The following PARD3 variants were observed in gnomAD, a reference collection of about 807,000 sequenced individuals.
PARD3 encodes partitioning defective 3 homolog.
In PARD3, 75 loss-of-function variants were observed where a neutral mutation model predicts 155.4. The observed-to-expected ratio is 0.48, with a 90% CI of 0.40 to 0.58. The LOEUF is 0.58. Ranked by LOEUF, PARD3 falls within the 20% of genes least tolerant of loss-of-function variation. PARD3 has a pLI of 0.00. For missense variants in PARD3, 1,642 were observed against 1,721.7 expected, an observed-to-expected ratio of 0.95 and a Z score of 0.82; for synonymous variants, 576 against 610.5, an observed-to-expected ratio of 0.94 and a Z score of 0.83.
At chr10:34,566,821 T>A (rs1362924017) in intron 2 of PARD3, among the ~76,000 whole-genome samples, 1 of 152,192 alleles carries the variant, frequency 6.6e-6, no homozygotes, top group Admixed American at 6.6e-5. Flanking sequence ...GACACTGATG[T>A]GACTGCTGTT....
intron 5 of PARD3, among the ~76,000 whole-genome samples, chr10:34,406,853 T>C (rs1286589026): frequency 6.6e-6 from 1 of 151,828 alleles, no homozygotes; most frequent in East Asian, 1.9e-4. Context: ...AGGAAATATA[T>C]TCAGAGTATC....
At position 34,157,065 on chromosome 10, in the gene PARD3, T is replaced by C. The variant is rs112432839; in HGVS notation, c.3420-25482A>G. Among the ~76,000 whole-genome samples the C allele has an allele frequency of 2.9e-3, 437 of 152,316 alleles. 4 individuals carry two copies. Among genetic ancestry groups the C allele is most frequent in the African/African-American group, 0.01 (418 of 41,562 alleles). Reference sequence around the variant, plus strand: ...ACTGAATTGTAAAAACCTCATTTTATAGCTGCTTAAAAACCCTGAGAATAG... The same window carrying C: ...ACTGAATTGTAAAAACCTCATTTTACAGCTGCTTAAAAACCCTGAGAATAG... On this transcript the variant is annotated intron_variant, in intron 22 of 24. Transcript: ENST00000374788.
At chr10:34,317,086 T>C (rs1958054904) in intron 20 of PARD3, 21 bp downstream of exon 20, 1 of 1,534,556 alleles carries the variant, frequency 6.5e-7, no homozygotes, top group African/African-American at 1.4e-5. Flanking sequence ...GAGATTCTGG[T>C]TTGGGATGGT....
chr10:34,303,466 C>A (rs1452393731), intron 20 of PARD3, among the ~76,000 whole-genome samples: 3 of 97,438 alleles, frequency 3.1e-5, no homozygotes, highest in African/African-American at 4.6e-5. Flanking sequence ...TTAAGACCTC[C>A]ATTCCAAAAA....
In PARD3 at chr10:34,227,856, TTATATATATATATATA is replaced by T. The variant is rs55681930; in HGVS notation, c.3419+41785_3419+41800del. ...TATTCCCAGTAATGGGAATTATTTT[TTATATATATATATATA>T]TATATATATATACTGGGAATATATA... On this transcript the variant is annotated intron_variant, in intron 22 of 24. Transcript: ENST00000374788. Among the ~76,000 whole-genome samples the T allele has an allele frequency of 7.3e-5, 6 of 82,242 alleles. 1 individual carries two copies. The highest frequency in any genetic ancestry group is 7.1e-4 in the Admixed American group (6 of 8,482). The allele number at this position is 82,242 out of a possible 152,430, so 54.0% of individuals were successfully genotyped here.
In PARD3 at chr10:34,382,701, T is replaced by C; in HGVS notation, c.1238A>G (p.Glu413Gly). The C allele has an allele frequency of 6.2e-7, 1 of 1,614,176 alleles. No homozygotes were observed. The highest frequency in any genetic ancestry group is 8.5e-7 in the Non-Finnish European group (1 of 1,180,032). The change falls in exon 9 of 25, where the codon GAG (glutamate) becomes GGG (glycine). Residue 413 changes from glutamate to glycine, a missense_variant. Transcript: ENST00000374788. ...QRAPRLNHPP[E>G]QIDSHSRLPH... ...TAGTCTTGAGTGAGAGTCTATCTGCTCAGGCGGGTGGTTCAGTCGGGGTGC... is the reference window on the plus strand; with the variant it reads ...TAGTCTTGAGTGAGAGTCTATCTGCCCAGGCGGGTGGTTCAGTCGGGGTGC...
intron 22 of PARD3, among the ~76,000 whole-genome samples, chr10:34,269,048 C>T (rs1955483644): frequency 6.6e-6 from 1 of 152,124 alleles, no homozygotes; most frequent in African/African-American, 2.4e-5. Context: ...AAAAATTACT[C>T]ACATGTATCC....
intron 1 of PARD3, among the ~76,000 whole-genome samples, chr10:34,719,255 A>T (rs547589591): frequency 6.6e-6 from 1 of 152,356 alleles, no homozygotes; most frequent in African/African-American, 2.4e-5. Context: ...AAAGCAATGT[A>T]ATATACCACC....
chr10:34,641,783 G>A (rs1300038969), intron 2 of PARD3, among the ~76,000 whole-genome samples: 6 of 152,172 alleles, frequency 3.9e-5, no homozygotes, highest in East Asian at 1.9e-4. Context: ...CATGCGCCTC[G>A]TGGGAACAGC....
intron 7 of PARD3, among the ~76,000 whole-genome samples, chr10:34,394,008 T>C (rs1299265085): frequency 6.6e-6 from 1 of 151,854 alleles, no homozygotes; most frequent in Non-Finnish European, 1.5e-5. Context: ...CAGCTAATTT[T>C]TGTATTTTTA....
chr10:34,194,179 C>A (rs572025911), intron 22 of PARD3, among the ~76,000 whole-genome samples: 93 of 152,326 alleles, frequency 6.1e-4, no homozygotes, highest in African/African-American at 2.1e-3. Flanking sequence ...AAGAAAGCTG[C>A]TTCTCCAAAA....
chr10:34,131,838 A>G (rs1947632264), intron 22 of PARD3, among the ~76,000 whole-genome samples: 1 of 151,688 alleles, frequency 6.6e-6, no homozygotes, highest in Non-Finnish European at 1.5e-5. Flanking sequence ...ACTGTTCTTT[A>G]AAAGTTTCAT....
chr10:34,208,415 G>A (rs142301479), intron 22 of PARD3, among the ~76,000 whole-genome samples: 1 of 152,162 alleles, frequency 6.6e-6, no homozygotes, highest in African/African-American at 2.4e-5. Flanking sequence ...AGCACTATTA[G>A]TGACTTCTCA....
chr10:34,293,388 C>A (rs775046782), intron 20 of PARD3, among the ~76,000 whole-genome samples: 1 of 152,088 alleles, frequency 6.6e-6, no homozygotes, highest in Admixed American at 6.6e-5. Flanking sequence ...ACCACACTAA[C>A]CCCATAACCC....
At chr10:34,725,450 C>CA (rs1417935104) in intron 1 of PARD3, among the ~76,000 whole-genome samples, 2 of 152,154 alleles carry the variant, frequency 1.3e-5, no homozygotes, top group African/African-American at 4.8e-5. Context: ...CCACCACGCC[C>CA]AGCCCAGTCA....
chr10:34,486,721 ATCTGAAAT>A, intron 3 of PARD3, among the ~76,000 whole-genome samples: 2 of 152,304 alleles, frequency 1.3e-5, no homozygotes, highest in South Asian at 4.1e-4. Context: ...AATGGGTAGG[ATCTGAAAT>A]TCTGCATTTC....
At chr10:34,202,690 T>C (rs1411778649) in intron 22 of PARD3, among the ~76,000 whole-genome samples, 3 of 152,222 alleles carry the variant, frequency 2.0e-5, no homozygotes, top group South Asian at 2.1e-4. Context: ...GCATTTCTTA[T>C]ATGCATCAAT....
chr10:34,246,096 A>C (rs1226959925), intron 22 of PARD3, among the ~76,000 whole-genome samples: 1 of 152,226 alleles, frequency 6.6e-6, no homozygotes, highest in African/African-American at 2.4e-5. Context: ...CATTTTCCTG[A>C]TGGCCTCCAG....
chr10:34,794,849 TA>T (rs1025566403), intron 1 of PARD3, among the ~76,000 whole-genome samples: 7 of 151,060 alleles, frequency 4.6e-5, no homozygotes, highest in East Asian at 1.9e-4. Flanking sequence ...CACATAACAA[TA>T]AAAAAAAATG....
Sources: allele counts gnomAD v4.1 joint callset (sites outside exome capture counted in the v4.1 genomes callset), GRCh38; gene constraint gnomAD v4.1.1; transcripts MANE v1.5; gene names NCBI Gene and HGNC (gene_info 2026-07-23, HGNC 2026-07-21).